The following KIF1B variants were observed in gnomAD, a reference collection of about 807,000 sequenced individuals.
KIF1B encodes kinesin family member 1B.
In KIF1B, 76 loss-of-function variants were observed where a neutral mutation model predicts 241.9. That is an observed-to-expected ratio of 0.31 (90% confidence interval 0.26 to 0.38). KIF1B has a LOEUF of 0.38. Among genes scored for constraint, KIF1B ranks in the 10% least tolerant of loss-of-function variants. The pLI, the probability that KIF1B is intolerant of heterozygous loss-of-function variation, is 1.00. For missense variants in KIF1B, 1,622 were observed against 2,271.4 expected (o/e 0.71, Z 5.81); for synonymous variants, 750 against 796.7 (o/e 0.94, Z 0.99).
At chr1:10,240,182 G>A (rs1456744160) in intron 2 of KIF1B, among the ~76,000 whole-genome samples, 5 of 151,820 alleles carry the variant, frequency 3.3e-5, no homozygotes, top group Non-Finnish European at 7.4e-5. Flanking sequence ...GATTATAGGC[G>A]TGAGCCACCA....
At position 10,317,279 on chromosome 1, in the gene KIF1B, A is replaced by G. The variant is rs72865992; in HGVS notation, c.2116-2764A>G. 3.3e-3 allele frequency among the ~76,000 whole-genome samples: 503 copies of G among 151,566 alleles called. 21 individuals are homozygous for G. The highest frequency in any genetic ancestry group is 0.012 in the African/African-American group (487 of 40,876). ...CACCATGGAATCATGAATTCTTTCT[A>G]TATTCAATGTACTGTGCTATTTTTC... On this transcript the variant is annotated intron_variant, in intron 22 of 48. Transcript: ENST00000676179.
chr1:10,277,020 G>A (rs1569673749), intron 12 of KIF1B, among the ~76,000 whole-genome samples: 1 of 151,640 alleles, frequency 6.6e-6, no homozygotes, highest in Non-Finnish European at 1.5e-5. Flanking sequence ...GGCGGAGGTT[G>A]CAGTGAGCCG....
At position 10,381,564 on chromosome 1, in the gene KIF1B, A is replaced by G. The variant is rs1304345042; in HGVS notation, c.*4977A>G. The G allele has an allele frequency of 5.1e-6, 1 of 194,408 alleles. No homozygotes were observed. Among genetic ancestry groups the G allele is most frequent in the African/African-American group, 2.3e-5 (1 of 43,172 alleles). The allele number at this position is 194,408 out of a possible 1,614,324, so 12.0% of individuals were successfully genotyped here. A position where few individuals can be genotyped will look rare whatever the true frequency, so the allele number is the denominator to read the frequency against. ...CCTTGCGTCACGGAGCTGTTAGTGAACGAGGTAAAAATAATAAAGGTACAG... is the reference window on the plus strand; with the variant it reads ...CCTTGCGTCACGGAGCTGTTAGTGAGCGAGGTAAAAATAATAAAGGTACAG... On this transcript the variant is annotated 3_prime_UTR_variant, in exon 49 of 49. Coordinates refer to ENST00000676179, the MANE Select transcript of KIF1B (RefSeq NM_001365951.3).
intron 2 of KIF1B, among the ~76,000 whole-genome samples, chr1:10,248,918 C>T (rs1647296833): frequency 6.6e-6 from 1 of 152,146 alleles, no homozygotes; most frequent in South Asian, 2.1e-4. Flanking sequence ...AAGAAAAGAC[C>T]TCAGGCACAG....
At chr1:10,278,282 TA>T (rs904551250) in intron 13 of KIF1B, among the ~76,000 whole-genome samples, 154 bp downstream of exon 13, 2 of 152,190 alleles carry the variant, frequency 1.3e-5, no homozygotes, top group African/African-American at 4.8e-5. Flanking sequence ...TCTTTTTCCT[TA>T]AAAAACCCAA....
chr1:10,265,062 G>A (rs1648375454), intron 5 of KIF1B, among the ~76,000 whole-genome samples: 1 of 151,900 alleles, frequency 6.6e-6, no homozygotes, highest in African/African-American at 2.4e-5. Context: ...TTGACCTCCT[G>A]GGCTCAGTGA....
intron 22 of KIF1B, among the ~76,000 whole-genome samples, chr1:10,311,777 A>C (rs886271467): frequency 6.6e-6 from 1 of 151,384 alleles, no homozygotes; most frequent in Non-Finnish European, 1.5e-5. Flanking sequence ...CTGTGGACAC[A>C]GACCTTGGCT....
chr1:10,328,356 TAGAC>T (rs1406697030), intron 27 of KIF1B, among the ~76,000 whole-genome samples: 3 of 152,212 alleles, frequency 2.0e-5, no homozygotes, highest in African/African-American at 4.8e-5. Flanking sequence ...GTCATAGTAT[TAGAC>T]AGTCTCTGGG....
chr1:10,275,433 A>G lies in KIF1B; in HGVS notation c.888A>G (p.Lys296=). The G allele has an allele frequency of 6.4e-7, 1 of 1,563,150 alleles. No homozygotes were observed. The highest frequency in any genetic ancestry group is 8.8e-7 in the Non-Finnish European group (1 of 1,134,022). ...AEVDNCTSKS[K]KKKKTDFIPY... is the part of the protein sequence containing the mutation. ...CATTTCTTTTCCTTTAATAGAGTAA[A>G]AAGAAGAAGAAAACAGATTTTATTC... is the stretch of plus-strand genomic sequence containing the variant. The change falls in exon 11 of 49, where the codon AAA becomes AAG. Residue 296 remains lysine (K), a synonymous_variant. Coordinates refer to ENST00000676179, the MANE Select transcript of KIF1B (RefSeq NM_001365951.3).
intron 38 of KIF1B, among the ~76,000 whole-genome samples, chr1:10,359,850 A>C (rs1638365493): frequency 6.6e-6 from 1 of 151,986 alleles, no homozygotes; most frequent in South Asian, 2.1e-4. Context: ...CCTGGCCAAC[A>C]TGGTGAAACC....
intron 48 of KIF1B, among the ~76,000 whole-genome samples, chr1:10,375,786 G>GTTTTTT (rs201620952): frequency 2.2e-3 from 155 of 69,532 alleles, no homozygotes; most frequent in Non-Finnish European, 3.0e-3. Context: ...TTCTTTTCTT[G>GTTTTTT]TTTTTTTTTT....
At chr1:10,216,707 C>T (rs935077411) in intron 1 of KIF1B, among the ~76,000 whole-genome samples, 1 of 152,154 alleles carries the variant, frequency 6.6e-6, no homozygotes, top group African/African-American at 2.4e-5. Context: ...GACCCCTTGA[C>T]TCAAACCTGT....
intron 37 of KIF1B, among the ~76,000 whole-genome samples, chr1:10,350,349 G>T (rs1408738364): frequency 7.0e-6 from 1 of 143,336 alleles, no homozygotes; most frequent in African/African-American, 2.6e-5. Flanking sequence ...CACGAGGTCA[G>T]GAGATCGAGA....
At position 10,326,049 on chromosome 1, in the gene KIF1B, C is replaced by T; in HGVS notation, c.2676-62C>T. The T allele has an allele frequency of 6.2e-7, 1 of 1,606,588 alleles. No individual in the cohort carries two copies. Among genetic ancestry groups the T allele is most frequent in the Non-Finnish European group, 8.5e-7 (1 of 1,176,532 alleles). ...CTGTCCTGTTAGCACCTATTGCTTC[C>T]TGTTTAACCAACTATTCCTCTCTCC... On this transcript the variant is annotated intron_variant, in intron 26 of 48. Coordinates refer to ENST00000676179, the MANE Select transcript of KIF1B (RefSeq NM_001365951.3). This position sits in a 1 kb window ranked among gnomAD's most constrained non-coding sequence, Gnocchi z 5.2.
rs773938979 is a variant in KIF1B, at chr1:10,376,575, G to A, written c.5439G>A (p.Gln1813=). The change falls in exon 49 of 49, where the codon CAG becomes CAA. Residue 1813 remains glutamine, a synonymous_variant. Coordinates refer to ENST00000676179, the MANE Select transcript of KIF1B (RefSeq NM_001365951.3). ...AGCTTTCCCGCAGATGCCCGAGCCA[G>A]TCGAAATACTAAGTGACTCTGCCGA... ...RSKLSRRCPS[Q]SKY 2 of 1,614,068 alleles carry A rather than the reference G, an allele frequency of 1.2e-6. No individual in the cohort carries two copies. The highest frequency in any genetic ancestry group is 1.7e-6 in the Non-Finnish European group (2 of 1,179,930).
At chr1:10,272,158 T>C in intron 8 of KIF1B, 83 bp from the exon 9 acceptor site, 1 of 912,120 alleles carries the variant, frequency 1.1e-6, no homozygotes, top group Non-Finnish European at 1.8e-6. Flanking sequence ...TGCTAGCATA[T>C]GGCAAATCAT....
In KIF1B at chr1:10,326,736, T is replaced by C. The variant is rs571163714; in HGVS notation, c.2924+377T>C. Among the ~76,000 whole-genome samples, 64 of 152,188 alleles carry C rather than the reference T, an allele frequency of 4.2e-4. No individual in the cohort carries two copies. Among genetic ancestry groups the C allele is most frequent in the African/African-American group, 1.5e-3 (61 of 41,510 alleles). ...GTCTAGATGTTTCCTTTTTAAAGGA[T>C]TGTGATTGAAAAAGCATATGGAGGT... is the stretch of plus-strand genomic sequence containing the variant. On this transcript the variant is annotated intron_variant, in intron 27 of 48. Transcript: ENST00000676179. The surrounding 1 kb of genome is among the most constrained non-coding windows in gnomAD (Gnocchi z 5.2).
intron 2 of KIF1B, among the ~76,000 whole-genome samples, chr1:10,239,759 C>G (rs1037101065): frequency 2.6e-5 from 4 of 151,722 alleles, no homozygotes; most frequent in South Asian, 2.1e-4. Flanking sequence ...AGGCGCCCAC[C>G]ACCATGCCTG....
intron 26 of KIF1B, among the ~76,000 whole-genome samples, chr1:10,325,151 G>A (rs1651680796): frequency 1.3e-5 from 2 of 152,162 alleles, no homozygotes; most frequent in Non-Finnish European, 1.5e-5. Flanking sequence ...CTTACAAAGT[G>A]TTCTGTAATT....
Sources: allele counts gnomAD v4.1 joint callset (sites outside exome capture counted in the v4.1 genomes callset), GRCh38; gene constraint gnomAD v4.1.1; non-coding constraint Gnocchi (gnomAD v3.1); transcripts MANE v1.5; gene names NCBI Gene and HGNC (gene_info 2026-07-23, HGNC 2026-07-21).